THSD4: variants seen among roughly 807,000 people sequenced by gnomAD.
THSD4 encodes thrombospondin type-1 domain-containing protein 4.
A neutral mutation model predicts 119.0 loss-of-function variants in THSD4; 69 were observed. The ratio of observed to expected loss-of-function variants is 0.58; its 90% CI spans 0.48 to 0.71. The LOEUF (loss-of-function observed/expected upper bound fraction) is 0.71, where lower values mean the gene tolerates loss of function less well. THSD4 is among the 30% of genes least tolerant of loss of function. THSD4 has a pLI of 0.00. For missense variants in THSD4, 1,393 were observed against 1,391.1 expected (o/e 1.00, Z -0.02); for synonymous variants, 524 against 540.4 (o/e 0.97, Z 0.42).
rs774987583 is a variant in THSD4 at position 71,256,655 on chromosome 15, G to A, written c.955G>A (p.Ala319Thr). ...SSRSIREVQC[A>T]SYNNKPFMGR... ...TAGAAGTATCCGGGAGGTACAGTGT[G>A]CATCCTACAACAACAAGCCATTCAT... Residue 319 changes from alanine to threonine, a missense_variant, in exon 6 of 18, where the codon GCA becomes ACA. Coordinates refer to ENST00000261862, the MANE Select transcript of THSD4 (RefSeq NM_024817.3). 2 of 1,614,104 alleles carry A rather than the reference G, an allele frequency of 1.2e-6. No individual in the cohort carries two copies. Among genetic ancestry groups the A allele is most frequent in the South Asian group, 1.1e-5 (1 of 91,076 alleles).
chr15:71,208,320 C>T (rs570964517), intron 3 of THSD4, among the ~76,000 whole-genome samples: 5 of 152,180 alleles, frequency 3.3e-5, no homozygotes, highest in South Asian at 2.1e-4. Flanking sequence ...TCCATAGAGC[C>T]GATCTCAAAA....
chr15:71,741,418 A>C (rs899466730), intron 11 of THSD4, among the ~76,000 whole-genome samples: 6 of 152,062 alleles, frequency 3.9e-5, no homozygotes, highest in African/African-American at 7.2e-5. Flanking sequence ...GCTTGAACCC[A>C]GGAGGCGGAG....
chr15:71,328,377 G>A (rs1596340006), intron 6 of THSD4, among the ~76,000 whole-genome samples: 1 of 152,166 alleles, frequency 6.6e-6, no homozygotes, highest in African/African-American at 2.4e-5. Context: ...ACTTTATTTT[G>A]CTGGTGGCTT....
chr15:71,442,579 A>AAAAAAAAAAAAT (rs1195413080), intron 7 of THSD4, among the ~76,000 whole-genome samples: 1 of 39,860 alleles, frequency 2.5e-5, no homozygotes, highest in African/African-American at 7.4e-5. Flanking sequence ...AAAAAAAAAA[A>AAAAAAAAAAAAT]ATATATATAT....
chr15:71,469,110 A>G (rs752298173), intron 7 of THSD4, among the ~76,000 whole-genome samples: 4 of 152,196 alleles, frequency 2.6e-5, no homozygotes, highest in African/African-American at 4.8e-5. Context: ...TTAATTTGAC[A>G]TGTGATTAGG....
intron 7 of THSD4, among the ~76,000 whole-genome samples, chr15:71,516,392 T>C (rs998006564): frequency 1.3e-5 from 2 of 152,282 alleles, no homozygotes; most frequent in Middle Eastern, 3.4e-3. Context: ...ACGGCTTGGC[T>C]TAAAATACCG....
intron 8 of THSD4, among the ~76,000 whole-genome samples, chr15:71,691,451 G>A (rs376020554): frequency 2.2e-4 from 33 of 152,208 alleles, no homozygotes; most frequent in African/African-American, 7.0e-4. Flanking sequence ...TTAGCTGATC[G>A]TTAAGGAGCA....
At chr15:71,121,506 C>T (rs1051240321) in intron 1 of THSD4, among the ~76,000 whole-genome samples, 33 of 152,246 alleles carry the variant, frequency 2.2e-4, no homozygotes, top group African/African-American at 7.9e-4. Flanking sequence ...CCTTGTTTGA[C>T]CCCTGACCCT....
chr15:71,531,152 A>C (rs2048604250), intron 7 of THSD4, among the ~76,000 whole-genome samples: 1 of 152,132 alleles, frequency 6.6e-6, no homozygotes, highest in South Asian at 2.1e-4. Context: ...GAGGGTCATA[A>C]GGAAGGGGCT....
At chr15:71,156,660 C>T (rs1299072332) in intron 3 of THSD4, among the ~76,000 whole-genome samples, 1 of 152,090 alleles carries the variant, frequency 6.6e-6, no homozygotes, top group Non-Finnish European at 1.5e-5. Context: ...TTCTTGGGAG[C>T]AGTTCTTTGC....
intron 6 of THSD4, among the ~76,000 whole-genome samples, chr15:71,316,362 G>A (rs1346857929): frequency 6.6e-6 from 1 of 152,046 alleles, no homozygotes; most frequent in Admixed American, 6.6e-5. Flanking sequence ...TCCAACCAAG[G>A]GGTTACATTA....
intron 5 of THSD4, 60 bp downstream of exon 5, chr15:71,243,156 T>C (rs2044169789): frequency 1.3e-6 from 2 of 1,528,818 alleles, no homozygotes; most frequent in Non-Finnish European, 1.8e-6. Flanking sequence ...TTCTGTCATT[T>C]GGCACTAAGC....
At chr15:71,104,492 T>C (rs1331567126) in intron 1 of THSD4, among the ~76,000 whole-genome samples, 2 of 152,190 alleles carry the variant, frequency 1.3e-5, no homozygotes, top group East Asian at 3.8e-4. Flanking sequence ...TCTCACAAGA[T>C]TGCCCTGTTA....
intron 6 of THSD4, among the ~76,000 whole-genome samples, chr15:71,356,517 G>C (rs2045813233): frequency 6.6e-6 from 1 of 152,138 alleles, no homozygotes; most frequent in African/African-American, 2.4e-5. Flanking sequence ...TTGGTACATA[G>C]TAGGTGCTAA....
chr15:71,248,035 G>A (rs1019572106), intron 5 of THSD4, among the ~76,000 whole-genome samples: 2 of 152,208 alleles, frequency 1.3e-5, no homozygotes, highest in East Asian at 3.9e-4. Context: ...CACTGTGAGA[G>A]GCCCTGGTGG....
At chr15:71,390,512 T>C (rs374727922) in intron 6 of THSD4, among the ~76,000 whole-genome samples, 76 of 152,342 alleles carry the variant, frequency 5.0e-4, no homozygotes, top group South Asian at 2.7e-3. Flanking sequence ...AAATCCAATT[T>C]TGGATCTTGT....
At chr15:71,365,131 T>TTGTGTGTGTGTGTG (rs10690804) in intron 6 of THSD4, among the ~76,000 whole-genome samples, 1,736 of 135,850 alleles carry the variant, frequency 0.013, 35 homozygotes, top group African/African-American at 0.026. Context: ...GCCCCCCCCA[T>TTGTGTGTGTGTGTG]TGTGTGTGTG....
At chr15:71,587,194 C>G (rs1314040021) in intron 7 of THSD4, among the ~76,000 whole-genome samples, 1 of 132,626 alleles carries the variant, frequency 7.5e-6, no homozygotes, top group Non-Finnish European at 1.6e-5. Context: ...ACTAGTTCAA[C>G]CATTGTGGAA....
chr15:71,312,328 G>C (rs531974495), intron 6 of THSD4, among the ~76,000 whole-genome samples: 3 of 152,046 alleles, frequency 2.0e-5, no homozygotes, highest in Non-Finnish European at 4.4e-5. Context: ...ACTCTGTCTC[G>C]AGGCAGGGGG....
Sources: allele counts gnomAD v4.1 joint callset (sites outside exome capture counted in the v4.1 genomes callset), GRCh38; gene constraint gnomAD v4.1.1; transcripts MANE v1.5; gene names NCBI Gene and HGNC (gene_info 2026-07-23, HGNC 2026-07-21).